Variants in PDGFRB observed in about 807,000 individuals in gnomAD.
PDGFRB encodes the protein platelet-derived growth factor receptor beta.
PDGFRB carries 42 observed loss-of-function variants against 120.2 expected under a neutral mutation model. The observed-to-expected ratio is 0.35, with a 90% confidence interval of 0.27 to 0.45. PDGFRB has a LOEUF of 0.45. Ranked by LOEUF, PDGFRB falls within the 20% of genes least tolerant of loss-of-function variation. PDGFRB has a pLI of 1.00. For synonymous variants in PDGFRB, 586 were observed against 606.8 expected, an observed-to-expected ratio of 0.97 and a Z score of 0.50; for missense variants, 1,149 against 1,476.3, an observed-to-expected ratio of 0.78 and a Z score of 3.63.
At chr5:150,151,548 C>T (rs4324662) in intron 1 of PDGFRB, among the ~76,000 whole-genome samples, 28,184 of 152,178 alleles carry the variant, frequency 0.19, 2,805 homozygotes, top group Middle Eastern at 0.28. Context: ...ACTCTGCGCA[C>T]TTTCTCACCT....
chr5:150,123,230 C>G, intron 14 of PDGFRB, 29 bp from the exon 15 acceptor site: 3 of 1,589,420 alleles, frequency 1.9e-6, no homozygotes, highest in Non-Finnish European at 2.6e-6. Flanking sequence ...AGGGACAGTC[C>G]CTATGGAGGC....
At chr5:150,122,573 C>T (rs1760172829) in intron 15 of PDGFRB, among the ~76,000 whole-genome samples, 1 of 152,256 alleles carries the variant, frequency 6.6e-6, no homozygotes. Context: ...TTTTCTGAAG[C>T]TACTCTTGTC....
intron 1 of PDGFRB, among the ~76,000 whole-genome samples, chr5:150,150,722 ACTGGAAGC>A (rs1761054570): frequency 6.6e-6 from 1 of 152,036 alleles, no homozygotes; most frequent in Admixed American, 6.6e-5. Context: ...GGGCTTCCAC[ACTGGAAGC>A]AACAAGCATG....
At chr5:150,151,959 G>C (rs1401249882) in intron 1 of PDGFRB, among the ~76,000 whole-genome samples, 1 of 151,272 alleles carries the variant, frequency 6.6e-6, no homozygotes, top group Non-Finnish European at 1.5e-5. Flanking sequence ...TTTTGAGACA[G>C]TCTTGCCCTG....
chr5:150,128,789 C>T (rs780451591), intron 10 of PDGFRB, among the ~76,000 whole-genome samples: 27 of 152,204 alleles, frequency 1.8e-4, no homozygotes, highest in Non-Finnish European at 3.1e-4. Context: ...GTGGTGATCC[C>T]GGAGGGAATT....
In PDGFRB at chr5:150,138,736, C is replaced by T. The variant is rs561638728; in HGVS notation, c.-6-1683G>A. ...GGCCTCCTTGGTCAGGAGGGAGCAG[C>T]GCCAAGGCGGAGCCAGCAGCCCCCA... is the stretch of plus-strand genomic sequence containing the variant. On this transcript the variant is annotated intron_variant, in intron 1 of 22. Coordinates refer to ENST00000261799, the MANE Select transcript of PDGFRB (RefSeq NM_002609.4). Among the ~76,000 whole-genome samples, 8 of 152,350 alleles carry T rather than the reference C, an allele frequency of 5.3e-5. No homozygotes were observed. In the South Asian group the frequency reaches 8.3e-4, roughly 16 times the overall value.
intron 10 of PDGFRB, 24 bp from the exon 11 acceptor site, chr5:150,126,638 C>A: frequency 1.5e-6 from 2 of 1,353,718 alleles, no homozygotes; most frequent in South Asian, 1.2e-5. Flanking sequence ...TGAGAGCAGG[C>A]CATGAGCAAA....
chr5:150,145,013 C>T (rs780833818), intron 1 of PDGFRB, among the ~76,000 whole-genome samples: 4 of 152,232 alleles, frequency 2.6e-5, no homozygotes, highest in Non-Finnish European at 5.9e-5. Context: ...TCCACTAACA[C>T]GTGAATGTTC....
chr5:150,137,082 A>G lies in PDGFRB; in HGVS notation c.-6-29T>C, dbSNP rs1361414073. The G allele has an allele frequency of 1.9e-6, 3 of 1,604,064 alleles. No individual in the cohort carries two copies. In the African/African-American group the frequency reaches 4.0e-5, roughly 21 times the overall value. On this transcript the variant is annotated intron_variant, in intron 1 of 22. Coordinates refer to ENST00000261799, the MANE Select transcript of PDGFRB (RefSeq NM_002609.4). ...CAGAGTTAAACAGGAGTCAGGGCCC[A>G]GGGCAGGTGGAGGCAGCGACAGGGG...
intron 1 of PDGFRB, among the ~76,000 whole-genome samples, chr5:150,150,271 C>G (rs758078146): frequency 1.3e-5 from 2 of 152,178 alleles, no homozygotes; most frequent in Non-Finnish European, 2.9e-5. Flanking sequence ...CACCAATGAT[C>G]TGTACGGACC....
chr5:150,124,210 G>A (rs1433184214), intron 14 of PDGFRB, 40 bp downstream of exon 14: 2 of 1,393,836 alleles, frequency 1.4e-6, no homozygotes, highest in Non-Finnish European at 2.0e-6. Context: ...CTTGGTGGTG[G>A]GCACTTTCCC....
chr5:150,132,807 A>T lies in PDGFRB; in HGVS notation c.1070T>A (p.Leu357Gln). 6.2e-7 allele frequency: 1 copy of T among 1,612,774 alleles called. No homozygotes were observed. The highest frequency in any genetic ancestry group is 8.5e-7 in the Non-Finnish European group (1 of 1,179,588). ...GATTTCGCCAGCGCTGGAGTCGCCC[A>T]GGGTGCGGTTGTCTTTGAACCACAG... is the stretch of plus-strand genomic sequence containing the variant. ...TVLWFKDNRTLGDSSAGEIAL... is the reference protein window; with the variant it reads ...TVLWFKDNRTQGDSSAGEIAL... Residue 357 changes from leucine to glutamine, a missense_variant, in exon 7 of 23, where the codon CTG becomes CAG. Leu to Gln is a moderately radical substitution (Grantham distance 113). Coordinates refer to ENST00000261799, the MANE Select transcript of PDGFRB (RefSeq NM_002609.4). The surrounding 1 kb of genome is among the most constrained non-coding windows in gnomAD (Gnocchi z 5.0).
chr5:150,136,014 GC>G, intron 2 of PDGFRB, 136 bp from the exon 3 acceptor site: 1 of 578,586 alleles, frequency 1.7e-6, no homozygotes. Context: ...ACAGACTGGG[GC>G]TCTCCAGCCA....
At chr5:150,149,001 A>G (rs2113930426) in intron 1 of PDGFRB, among the ~76,000 whole-genome samples, 1 of 152,284 alleles carries the variant, frequency 6.6e-6, no homozygotes, top group East Asian at 1.9e-4. Flanking sequence ...AGGCAGCAGG[A>G]GGCCAGGGAA....
In PDGFRB at chr5:150,121,726, T is replaced by C. The variant is rs1288532658; in HGVS notation, c.2344+154A>G. On this transcript the variant is annotated intron_variant, in intron 16 of 22. Coordinates refer to ENST00000261799, the MANE Select transcript of PDGFRB (RefSeq NM_002609.4). This position sits in a 1 kb window ranked among gnomAD's most constrained non-coding sequence, Gnocchi z 4.1. ...ACAGGGCTTCCGTTTAGGGGTCCAC[T>C]ACAGATCAGTTTTGGCCAGGTGGCT... is the stretch of plus-strand genomic sequence containing the variant. Among the ~76,000 whole-genome samples, 1 of 152,234 alleles carries C rather than the reference T, an allele frequency of 6.6e-6. No homozygotes were observed. Among genetic ancestry groups the C allele is most frequent in the East Asian group, 1.9e-4 (1 of 5,196 alleles).
intron 1 of PDGFRB, among the ~76,000 whole-genome samples, chr5:150,141,752 G>GTT (rs2113920772): frequency 6.7e-6 from 1 of 148,200 alleles, no homozygotes; most frequent in East Asian, 2.1e-4. Context: ...AGGCAGAAGT[G>GTT]TATGTGTGTG....
intron 4 of PDGFRB, among the ~76,000 whole-genome samples, chr5:150,134,383 T>C (rs1038411373): frequency 6.6e-6 from 1 of 152,216 alleles, no homozygotes; most frequent in African/African-American, 2.4e-5. Flanking sequence ...CAGCCATTGT[T>C]ATCCCCACGT....
At chr5:150,131,942 G>A (rs1262975726) in intron 8 of PDGFRB, 37 bp downstream of exon 8, 3 of 1,077,746 alleles carry the variant, frequency 2.8e-6, no homozygotes, top group Non-Finnish European at 4.3e-6. Context: ...GCAGGGAGGG[G>A]AAGGAGCAGG....
At chr5:150,144,375 G>A (rs751189246) in intron 1 of PDGFRB, among the ~76,000 whole-genome samples, 2 of 152,132 alleles carry the variant, frequency 1.3e-5, no homozygotes, top group African/African-American at 4.8e-5. Context: ...GGAGGAAGGC[G>A]GCTGCCCCTC....
Sources: gnomAD v4.1 joint callset for allele counts (sites outside exome capture counted in the v4.1 genomes callset) on GRCh38, gnomAD v4.1.1 for gene constraint, Gnocchi (gnomAD v3.1) non-coding constraint, MANE v1.5 for transcripts, NCBI Gene and HGNC (gene_info 2026-07-23, HGNC 2026-07-21) for gene names.